Variants in PCDHGB4 observed in about 807,000 individuals in gnomAD.
PCDHGB4 encodes protocadherin gamma subfamily B, 4.
A neutral mutation model predicts 60.5 loss-of-function variants in PCDHGB4; 38 were observed. The observed-to-expected ratio is 0.63, with a 90% CI of 0.48 to 0.82. The LOEUF is 0.82. Among genes scored for constraint, PCDHGB4 ranks in the 40% least tolerant of loss-of-function variants. PCDHGB4 has a pLI of 0.00. For synonymous variants in PCDHGB4, 456 were observed against 509.7 expected (o/e 0.89, Z 1.42); for missense variants, 1,109 against 1,209.6 (o/e 0.92, Z 1.23).
intron 1 of PCDHGB4, chr5:141,427,607 T>C (rs1157037825): frequency 1.5e-6 from 1 of 688,594 alleles, no homozygotes; most frequent in Non-Finnish European, 2.7e-6. Context: ...TACGCATTGG[T>C]GAAGTCAACG....
chr5:141,456,735 C>T (rs568353480), intron 1 of PCDHGB4, among the ~76,000 whole-genome samples: 8 of 152,216 alleles, frequency 5.3e-5, no homozygotes, highest in East Asian at 3.9e-4. Context: ...GAGGCTGAGG[C>T]GGGAGCATCA....
chr5:141,486,138 C>T lies in PCDHGB4; in HGVS notation c.2398-8669C>T. On this transcript the variant is annotated intron_variant, in intron 1 of 3. Transcript: ENST00000519479. This position sits in a 1 kb window ranked among gnomAD's most constrained non-coding sequence, Gnocchi z 5.0. ...AATTACTATGAATTTGATGTGCGGG[C>T]TCGCGATGGGGGTTCTCCAGCCATG... The T allele has an allele frequency of 6.2e-7, 1 of 1,614,212 alleles. No individual in the cohort carries two copies. The highest frequency in any genetic ancestry group is 1.3e-5 in the African/African-American group (1 of 75,052).
intron 1 of PCDHGB4, chr5:141,414,939 C>T (rs773327918): frequency 2.5e-6 from 4 of 1,614,090 alleles, no homozygotes; most frequent in Admixed American, 1.7e-5. Context: ...CCGCAGAGCC[C>T]GGCTACCTGG....
At chr5:141,399,363 G>A (rs773376480) in intron 1 of PCDHGB4, 5 of 1,613,910 alleles carry the variant, frequency 3.1e-6, no homozygotes, top group Non-Finnish European at 3.4e-6. Flanking sequence ...AGCAAACCCC[G>A]GAGTACAATG....
chr5:141,460,624 T>TA (rs1464862917), intron 1 of PCDHGB4, among the ~76,000 whole-genome samples: 2 of 152,128 alleles, frequency 1.3e-5, no homozygotes, highest in African/African-American at 4.8e-5. Context: ...GATAGACAGA[T>TA]ACAGATATAT....
intron 1 of PCDHGB4, chr5:141,392,833 GC>G (rs922844407): frequency 1.2e-6 from 2 of 1,604,258 alleles, no homozygotes; most frequent in Non-Finnish European, 1.7e-6. Context: ...CCACAGAGTC[GC>G]CCCAGACGCG....
chr5:141,404,180 C>A (rs774534952), intron 1 of PCDHGB4: 10 of 1,613,196 alleles, frequency 6.2e-6, no homozygotes, highest in Non-Finnish European at 8.5e-6. Flanking sequence ...GGCCCAAATT[C>A]TTGACCGAGA....
At position 141,485,314 on chromosome 5, in the gene PCDHGB4, T is replaced by A. The variant is rs1292296791; in HGVS notation, c.2398-9493T>A. The A allele has an allele frequency of 1.2e-6, 2 of 1,614,150 alleles. No homozygotes were observed. The highest frequency in any genetic ancestry group is 1.7e-6 in the Non-Finnish European group (2 of 1,180,032). ...CACAGGAAGGGACTTTTGTAGGGAA[T>A]GTCGCTCAAGATTTCCTGCTGGATA... On this transcript the variant is annotated intron_variant, in intron 1 of 3. Coordinates refer to ENST00000519479, the MANE Select transcript of PCDHGB4 (RefSeq NM_003736.4). This position sits in a 1 kb window ranked among gnomAD's most constrained non-coding sequence, Gnocchi z 5.7.
intron 3 of PCDHGB4, among the ~76,000 whole-genome samples, chr5:141,506,904 C>T (rs55892286): frequency 0.2 from 30,589 of 152,050 alleles, 3,131 homozygotes; most frequent in Middle Eastern, 0.24. Flanking sequence ...ACTGTCATCA[C>T]ACCTGGGCAC....
intron 1 of PCDHGB4, among the ~76,000 whole-genome samples, chr5:141,462,029 G>A (rs535977332): frequency 6.6e-6 from 1 of 152,260 alleles, no homozygotes; most frequent in East Asian, 1.9e-4. Context: ...CTTCATGTTG[G>A]TCAGGCGGGT....
chr5:141,500,870 A>C (rs2099803097), intron 2 of PCDHGB4, among the ~76,000 whole-genome samples: 1 of 139,794 alleles, frequency 7.2e-6, no homozygotes, highest in African/African-American at 2.8e-5. Context: ...ATACACATTC[A>C]TTTACAATTT....
At chr5:141,422,606 C>T in intron 1 of PCDHGB4, 1 of 1,613,904 alleles carries the variant, frequency 6.2e-7, no homozygotes, top group Non-Finnish European at 8.5e-7. Flanking sequence ...TCTTACTCTG[C>T]CTACATTCCC....
rs1199102847 is a variant in PCDHGB4, at chr5:141,477,997, A to G, written c.2398-16810A>G. 2 of 1,614,112 alleles carry G rather than the reference A, an allele frequency of 1.2e-6. No individual in the cohort carries two copies. Among genetic ancestry groups the G allele is most frequent in the Non-Finnish European group, 1.7e-6 (2 of 1,180,016 alleles). On this transcript the variant is annotated intron_variant, in intron 1 of 3. Coordinates refer to ENST00000519479, the MANE Select transcript of PCDHGB4 (RefSeq NM_003736.4). This position sits in a 1 kb window ranked among gnomAD's most constrained non-coding sequence, Gnocchi z 4.9. ...TTGCCATAGGGCTGCACACTGGTCAAATCAGTACTGCCCGTCCAGTCCAAG... is the reference window on the plus strand; with the variant it reads ...TTGCCATAGGGCTGCACACTGGTCAGATCAGTACTGCCCGTCCAGTCCAAG...
At chr5:141,430,935 T>G (rs748546768) in intron 1 of PCDHGB4, 1 of 1,607,814 alleles carries the variant, frequency 6.2e-7, no homozygotes. Context: ...CCCCGGGAGC[T>G]CGCGGAGCGC....
At chr5:141,409,088 GAGAAAAC>G in intron 1 of PCDHGB4, 1 of 1,614,044 alleles carries the variant, frequency 6.2e-7, no homozygotes, top group Non-Finnish European at 8.5e-7. Context: ...CTCATTGGAT[GAGAAAAC>G]AGGTATGATT....
At position 141,389,509 on chromosome 5, in the gene PCDHGB4, C is replaced by A; in HGVS notation, c.1625C>A (p.Ala542Glu). 1.2e-6 allele frequency: 2 copies of A among 1,613,118 alleles called. No homozygotes were observed. The highest frequency in any genetic ancestry group is 8.5e-7 in the Non-Finnish European group (1 of 1,179,744). The change falls in exon 1 of 4, where the codon GCG becomes GAG. Residue 542 changes from alanine to glutamate, a missense_variant. Coordinates refer to ENST00000519479, the MANE Select transcript of PCDHGB4 (RefSeq NM_003736.4). Reference sequence around the variant, plus strand: ...GACCAGGGCTCGCCAGCGCTCAGCGCGAACGTGAGCCTGCGCGTGTTAGTG... The same window carrying A: ...GACCAGGGCTCGCCAGCGCTCAGCGAGAACGTGAGCCTGCGCGTGTTAGTG... ...ARDQGSPALS[A>E]NVSLRVLVDD...
intron 1 of PCDHGB4, chr5:141,403,027 G>A: frequency 6.2e-7 from 1 of 1,614,070 alleles, no homozygotes; most frequent in East Asian, 2.2e-5. Context: ...TGCTATGGGA[G>A]GCCAGGGCCA....
At chr5:141,415,739 GGTTTTTTTT>G in intron 1 of PCDHGB4, 5 of 434,942 alleles carry the variant, frequency 1.1e-5, no homozygotes, top group African/African-American at 9.8e-5. Context: ...TGTTTATTAA[GGTTTTTTTT>G]TTTTTTTTTT....
At chr5:141,402,260 A>C (rs2094244604) in intron 1 of PCDHGB4, among the ~76,000 whole-genome samples, 2 of 152,144 alleles carry the variant, frequency 1.3e-5, no homozygotes, top group South Asian at 4.1e-4. Context: ...AACCCCAGAA[A>C]ATAATTTCAA....
Sources: gnomAD v4.1 joint callset for allele counts (sites outside exome capture counted in the v4.1 genomes callset) on GRCh38, gnomAD v4.1.1 for gene constraint, Gnocchi (gnomAD v3.1) non-coding constraint, MANE v1.5 for transcripts, NCBI Gene and HGNC (gene_info 2026-07-23, HGNC 2026-07-21) for gene names.